ADAMTS6: variants seen among roughly 807,000 people sequenced by gnomAD.
The protein encoded by ADAMTS6 is A disintegrin and metalloproteinase with thrombospondin motifs 6.
A neutral mutation model predicts 144.3 loss-of-function variants in ADAMTS6; 23 were observed. The ratio of observed to expected loss-of-function variants is 0.16; its 90% CI spans 0.11 to 0.23. ADAMTS6 has a LOEUF of 0.23. Ranked by LOEUF, ADAMTS6 falls within the 10% of genes least tolerant of loss-of-function variation. The pLI, the probability that ADAMTS6 is intolerant of heterozygous loss-of-function variation, is 1.00. For missense variants in ADAMTS6, 999 were observed against 1,379.6 expected (o/e 0.72, Z 4.37); for synonymous variants, 444 against 457.5 (o/e 0.97, Z 0.38).
At chr5:65,359,061 A>G (rs1397608232) in intron 7 of ADAMTS6, among the ~76,000 whole-genome samples, 1 of 152,200 alleles carries the variant, frequency 6.6e-6, no homozygotes, top group East Asian at 1.9e-4. Context: ...TGCATAGCAA[A>G]GGAAACAATT....
At chr5:65,172,776 C>G in intron 23 of ADAMTS6, 56 bp downstream of exon 23, 1 of 1,569,098 alleles carries the variant, frequency 6.4e-7, no homozygotes, top group South Asian at 1.2e-5. Flanking sequence ...CAAGGAACCT[C>G]AGGTTTGTGT....
intron 10 of ADAMTS6, among the ~76,000 whole-genome samples, chr5:65,298,315 AAAAC>A (rs956273630): frequency 3.5e-4 from 54 of 152,262 alleles, no homozygotes; most frequent in African/African-American, 9.9e-4. Flanking sequence ...ACAAAACAAA[AAAAC>A]AAACAAACAA....
At chr5:65,424,571 T>C (rs1042761119) in intron 7 of ADAMTS6, among the ~76,000 whole-genome samples, 8 of 152,212 alleles carry the variant, frequency 5.3e-5, no homozygotes, top group African/African-American at 1.9e-4. Context: ...TCATTTCCAT[T>C]ACTGCTGCAT....
At chr5:65,266,123 A>G (rs1273575318) in intron 12 of ADAMTS6, among the ~76,000 whole-genome samples, 1 of 151,968 alleles carries the variant, frequency 6.6e-6, no homozygotes, top group Non-Finnish European at 1.5e-5. Flanking sequence ...AGCTACAAGA[A>G]TACTTAAAGA....
At chr5:65,452,052 ATAT>A in intron 6 of ADAMTS6, 78 bp downstream of exon 6, 1 of 1,070,934 alleles carries the variant, frequency 9.3e-7, no homozygotes, top group Non-Finnish European at 1.3e-6. Context: ...ATAATAAAAC[ATAT>A]TATTTAATAA....
At chr5:65,463,699 C>T (rs927238318) in intron 3 of ADAMTS6, among the ~76,000 whole-genome samples, 1 of 152,122 alleles carries the variant, frequency 6.6e-6, no homozygotes, top group African/African-American at 2.4e-5. Flanking sequence ...CCTACCTCTC[C>T]CTATTATTTG....
chr5:65,149,739 C>T lies in ADAMTS6; in HGVS notation c.*2097G>A, dbSNP rs898884577. On this transcript the variant is annotated 3_prime_UTR_variant, in exon 25 of 25. Transcript: ENST00000381055. ...GAAACTGCCCATCTTTTATTTATTTCACCAGGGCACATTAGCACCAAGTTA... is the reference window on the plus strand; with the variant it reads ...GAAACTGCCCATCTTTTATTTATTTTACCAGGGCACATTAGCACCAAGTTA... 6.6e-6 allele frequency: 1 copy of T among 152,634 alleles called. No individual in the cohort carries two copies. The highest frequency in any genetic ancestry group is 1.5e-5 in the Non-Finnish European group (1 of 68,044). 9.5% of individuals were successfully genotyped at this position (152,634 alleles called of 1,614,324 possible).
rs141568256 is a variant in ADAMTS6 at position 65,219,803 on chromosome 5, C to T, written c.2273-4316G>A. Among the ~76,000 whole-genome samples, 1,065 of 152,256 alleles carry T rather than the reference C, an allele frequency of 7.0e-3. 5 individuals carry two copies. Among genetic ancestry groups the T allele is most frequent in the Non-Finnish European group, 9.7e-3 (658 of 68,020 alleles). ...TGTAACAATCATAAATGTCTATACA[C>T]CTAAAACATAGTTTCAAAATAAATG... On this transcript the variant is annotated intron_variant, in intron 18 of 24. Transcript: ENST00000381055.
chr5:65,306,197 C>T (rs1191901888), intron 9 of ADAMTS6, among the ~76,000 whole-genome samples: 1 of 152,030 alleles, frequency 6.6e-6, no homozygotes, highest in Admixed American at 6.5e-5. Context: ...TGCCTCTGAC[C>T]CAGAAATATC....
intron 7 of ADAMTS6, among the ~76,000 whole-genome samples, chr5:65,447,804 A>C (rs1758385166): frequency 6.7e-6 from 1 of 149,396 alleles, no homozygotes; most frequent in African/African-American, 2.5e-5. Flanking sequence ...CAAAAATGAA[A>C]GATCAGTTTT....
chr5:65,375,035 G>C (rs1043070097), intron 7 of ADAMTS6, among the ~76,000 whole-genome samples: 5 of 152,156 alleles, frequency 3.3e-5, no homozygotes, highest in African/African-American at 1.2e-4. Flanking sequence ...AATAAATGGT[G>C]CTGGGAAAAC....
At chr5:65,445,425 C>G (rs931732437) in intron 7 of ADAMTS6, among the ~76,000 whole-genome samples, 7 of 152,282 alleles carry the variant, frequency 4.6e-5, no homozygotes, top group African/African-American at 1.4e-4. Flanking sequence ...GCAATCTCCG[C>G]CTCTCGGGTT....
chr5:65,250,881 A>G (rs1760098213), intron 14 of ADAMTS6, among the ~76,000 whole-genome samples: 1 of 152,240 alleles, frequency 6.6e-6, no homozygotes, highest in Non-Finnish European at 1.5e-5. Context: ...AATTTGGTTT[A>G]TAACCTTTAT....
rs1467566286 is a variant in ADAMTS6 at position 65,151,816 on chromosome 5, T to C, written c.*20A>G. On this transcript the variant is annotated 3_prime_UTR_variant, in exon 25 of 25. Transcript: ENST00000381055. The stretch of plus-strand genomic sequence containing the variant: ...TTTCCATGATGAAATGACAAGGCAC[T>C]CTCTCTGGCTTTCTGTGGGTCAGTG... The C allele has an allele frequency of 5.6e-6, 9 of 1,594,190 alleles. No homozygotes were observed. The highest frequency in any genetic ancestry group is 1.1e-5 in the South Asian group (1 of 90,192).
At chr5:65,437,148 G>A (rs186609180) in intron 7 of ADAMTS6, among the ~76,000 whole-genome samples, 280 of 150,888 alleles carry the variant, frequency 1.9e-3, no homozygotes, top group Non-Finnish European at 3.1e-3. Flanking sequence ...AGGCTGGAGT[G>A]CAGTGGTGCG....
At chr5:65,160,583 C>T (rs952824649) in intron 24 of ADAMTS6, among the ~76,000 whole-genome samples, 1 of 151,804 alleles carries the variant, frequency 6.6e-6, no homozygotes, top group African/African-American at 2.4e-5. Flanking sequence ...GGATTACAGG[C>T]GTGAGCCACC....
At chr5:65,299,276 G>C (rs1743144226) in intron 10 of ADAMTS6, among the ~76,000 whole-genome samples, 1 of 151,914 alleles carries the variant, frequency 6.6e-6, no homozygotes, top group Non-Finnish European at 1.5e-5. Context: ...TAACAACTTA[G>C]GACACTGAAG....
intron 22 of ADAMTS6, among the ~76,000 whole-genome samples, chr5:65,182,183 C>A (rs1429867033): frequency 6.6e-6 from 1 of 151,920 alleles, no homozygotes; most frequent in Admixed American, 6.6e-5. Context: ...CGGTGGCTCA[C>A]GCCTGTGAAT....
At chr5:65,224,425 T>G in intron 17 of ADAMTS6, 25 bp from the exon 18 acceptor site, 1 of 1,596,322 alleles carries the variant, frequency 6.3e-7, no homozygotes, top group East Asian at 2.2e-5. Context: ...ATAGCCAGTA[T>G]TAAGCAGCCT....
Sources: gnomAD v4.1 joint callset for allele counts (sites outside exome capture counted in the v4.1 genomes callset) on GRCh38, gnomAD v4.1.1 for gene constraint, MANE v1.5 for transcripts, NCBI Gene and HGNC (gene_info 2026-07-23, HGNC 2026-07-21) for gene names.